The following PRTFDC1 variants were observed in gnomAD, a reference collection of about 807,000 sequenced individuals.
PRTFDC1 encodes phosphoribosyltransferase domain-containing protein 1.
PRTFDC1 carries 38 observed loss-of-function variants against 34.6 expected under a neutral mutation model. The observed-to-expected ratio is 1.10, with a 90% CI of 0.85 to 1.44. The LOEUF (loss-of-function observed/expected upper bound fraction) is 1.44, where lower values mean the gene tolerates loss of function less well. Ranked by LOEUF, PRTFDC1 falls within the 40% of genes most tolerant of loss-of-function variation. The pLI, the probability that PRTFDC1 is intolerant of heterozygous loss-of-function variation, is 0.00. For synonymous variants in PRTFDC1, 93 were observed against 98.1 expected (o/e 0.95, Z 0.31); for missense variants, 270 against 283.0 (o/e 0.95, Z 0.33).
At chr10:24,893,708 C>G (rs973491687) in intron 3 of PRTFDC1, among the ~76,000 whole-genome samples, 2 of 152,164 alleles carry the variant, frequency 1.3e-5, no homozygotes. Flanking sequence ...CAGGGTCGTA[C>G]TTACTTGATC....
At chr10:24,915,890 C>T (rs1848686624) in intron 3 of PRTFDC1, among the ~76,000 whole-genome samples, 1 of 152,154 alleles carries the variant, frequency 6.6e-6, no homozygotes, top group African/African-American at 2.4e-5. Context: ...GCTTTAAATC[C>T]CTTCTATACA....
At chr10:24,892,591 C>T (rs757744898) in intron 3 of PRTFDC1, among the ~76,000 whole-genome samples, 4 of 152,116 alleles carry the variant, frequency 2.6e-5, no homozygotes, top group Admixed American at 6.5e-5. Flanking sequence ...CTGATTCTTA[C>T]GGGAAAATGA....
chr10:24,852,187 C>CTT (rs112816539), intron 7 of PRTFDC1, among the ~76,000 whole-genome samples: 4,797 of 147,504 alleles, frequency 0.033, 240 homozygotes, highest in African/African-American at 0.11. Context: ...AGAAAGGATT[C>CTT]TTTTTTTTTT....
chr10:24,950,560 A>C (rs1454232896), intron 1 of PRTFDC1, among the ~76,000 whole-genome samples: 2 of 152,148 alleles, frequency 1.3e-5, no homozygotes, highest in Admixed American at 1.3e-4. Flanking sequence ...GTAATTGTTA[A>C]ATACAGTGGC....
In PRTFDC1 at chr10:24,856,988, A is replaced by G; in HGVS notation, c.431T>C (p.Val144Ala). 1 of 1,613,046 alleles carries G rather than the reference A, an allele frequency of 6.2e-7. No individual in the cohort carries two copies. The highest frequency in any genetic ancestry group is 8.5e-7 in the Non-Finnish European group (1 of 1,179,002). ...GKNVLIVEDVVGTGRTMKALL... is the reference protein window; with the variant it reads ...GKNVLIVEDVAGTGRTMKALL... ...TGCTTTCATGGTCCTCCCAGTTCCG[A>G]CAACATCCTTTGCAAAAAGGACAGA... The change falls in exon 6 of 9, where the codon GTC (valine) becomes GCC (alanine). Residue 144 changes from valine to alanine, a missense_variant. Val to Ala is a moderately conservative substitution (Grantham distance 64). Transcript: ENST00000320152.
intron 3 of PRTFDC1, among the ~76,000 whole-genome samples, chr10:24,911,252 T>C (rs925858442): frequency 1.3e-5 from 2 of 152,232 alleles, no homozygotes; most frequent in East Asian, 1.9e-4. Flanking sequence ...TCTCCACTTA[T>C]AGCCTCTGGC....
chr10:24,935,936 C>T (rs1849043503), intron 3 of PRTFDC1, among the ~76,000 whole-genome samples: 1 of 152,142 alleles, frequency 6.6e-6, no homozygotes, highest in Admixed American at 6.6e-5. Flanking sequence ...ATATCAAAAT[C>T]CCAACTAACA....
At chr10:24,900,333 C>T (rs1414550702) in intron 3 of PRTFDC1, among the ~76,000 whole-genome samples, 7 of 152,336 alleles carry the variant, frequency 4.6e-5, no homozygotes, top group Admixed American at 3.3e-4. Context: ...GTGTAGCTTA[C>T]GCACTGTTCC....
At chr10:24,902,312 G>A (rs1004842692) in intron 3 of PRTFDC1, among the ~76,000 whole-genome samples, 7 of 152,094 alleles carry the variant, frequency 4.6e-5, no homozygotes, top group East Asian at 1.9e-4. Context: ...AGCTGTGGAC[G>A]GATGCCAATG....
intron 2 of PRTFDC1, among the ~76,000 whole-genome samples, chr10:24,939,201 T>C (rs1052973365): frequency 6.7e-6 from 1 of 150,016 alleles, no homozygotes; most frequent in Non-Finnish European, 1.5e-5. Context: ...CTCAGGAAGC[T>C]GAGGCAGGAG....
chr10:24,859,627 C>A (rs998719721), intron 4 of PRTFDC1, among the ~76,000 whole-genome samples: 1 of 152,134 alleles, frequency 6.6e-6, no homozygotes, highest in Non-Finnish European at 1.5e-5. Context: ...ATACAGCCTG[C>A]GGAACTGTGA....
chr10:24,928,727 A>T (rs1848920461), intron 3 of PRTFDC1, among the ~76,000 whole-genome samples: 1 of 151,078 alleles, frequency 6.6e-6, no homozygotes. Context: ...TACAGGTGTG[A>T]GCCACCGTGC....
intron 4 of PRTFDC1, among the ~76,000 whole-genome samples, chr10:24,859,140 G>T (rs1414933643): frequency 6.6e-6 from 1 of 152,258 alleles, no homozygotes; most frequent in East Asian, 1.9e-4. Context: ...GAATGGTTTA[G>T]CATCATCATG....
chr10:24,853,351 C>T (rs746987909), intron 7 of PRTFDC1, among the ~76,000 whole-genome samples: 2 of 151,624 alleles, frequency 1.3e-5, no homozygotes, highest in African/African-American at 4.8e-5. Flanking sequence ...GTGGCTCACG[C>T]CTGTAATCCC....
chr10:24,915,476 C>T (rs1229062357), intron 3 of PRTFDC1, among the ~76,000 whole-genome samples: 1 of 152,090 alleles, frequency 6.6e-6, no homozygotes, highest in Admixed American at 6.6e-5. Context: ...GGAATTGTGC[C>T]CACTCCCTAG....
At chr10:24,893,842 A>G (rs1260712073) in intron 3 of PRTFDC1, among the ~76,000 whole-genome samples, 2 of 152,210 alleles carry the variant, frequency 1.3e-5, no homozygotes, top group Non-Finnish European at 2.9e-5. Context: ...TTTGAGCATT[A>G]TGTTGAACTT....
At chr10:24,940,289 A>T (rs1251349332) in intron 2 of PRTFDC1, among the ~76,000 whole-genome samples, 1 of 152,230 alleles carries the variant, frequency 6.6e-6, no homozygotes, top group Admixed American at 6.5e-5. Flanking sequence ...TAGTAAGACA[A>T]ACCATAGGCT....
At chr10:24,908,323 T>C in intron 3 of PRTFDC1, 2 of 790,958 alleles carry the variant, frequency 2.5e-6, no homozygotes, top group Non-Finnish European at 3.8e-6. Context: ...GCAATATTTT[T>C]ATCCAGCATG....
At position 24,946,358 on chromosome 10, in the gene PRTFDC1, A is replaced by G. The variant is rs1269960756; in HGVS notation, c.49-3922T>C. Reference sequence around the variant, plus strand: ...GTACTTAGAATACCTGGAACACTGCATGGTGTATAATACATGATGTTTGAC... The same window carrying G: ...GTACTTAGAATACCTGGAACACTGCGTGGTGTATAATACATGATGTTTGAC... On this transcript the variant is annotated intron_variant, in intron 1 of 8. Coordinates refer to ENST00000320152, the MANE Select transcript of PRTFDC1 (RefSeq NM_020200.7). Among the ~76,000 whole-genome samples the G allele has an allele frequency of 2.6e-5, 4 of 152,192 alleles. No homozygotes were observed. The East Asian group carries it at 7.7e-4, about 29-fold the overall frequency.
Sources: gnomAD v4.1 joint callset for allele counts (sites outside exome capture counted in the v4.1 genomes callset) on GRCh38, gnomAD v4.1.1 for gene constraint, MANE v1.5 for transcripts, NCBI Gene and HGNC (gene_info 2026-07-23, HGNC 2026-07-21) for gene names.